Variants in GUCD1 observed in about 807,000 individuals in gnomAD.
GUCD1 encodes protein GUCD1.
A neutral mutation model predicts 28.3 loss-of-function variants in GUCD1; 17 were observed. The ratio of observed to expected loss-of-function variants is 0.60; its 90% CI spans 0.41 to 0.90. The LOEUF (loss-of-function observed/expected upper bound fraction) is 0.90, where lower values mean the gene tolerates loss of function less well. Among genes scored for constraint, GUCD1 ranks in the 40% least tolerant of loss-of-function variants. The pLI is 0.00. For missense variants in GUCD1, 279 were observed against 305.5 expected (o/e 0.91, Z 0.65); for synonymous variants, 129 against 123.3 (o/e 1.05, Z -0.30).
upstream of GUCD1, chr22:24,555,215 A>G (rs1398178073): frequency 1.0e-6 from 1 of 1,001,138 alleles, no homozygotes. Context: ...GCCCCGCCCC[A>G]AACTTTGATC....
chr22:24,553,297 T>G (rs1356828456), intron 1 of GUCD1, among the ~76,000 whole-genome samples: 1 of 152,206 alleles, frequency 6.6e-6, no homozygotes, highest in Non-Finnish European at 1.5e-5. Flanking sequence ...ACACTATCAC[T>G]AATGATAGCT....
chr22:24,552,162 AG>A (rs2044893433), intron 1 of GUCD1, among the ~76,000 whole-genome samples: 1 of 152,224 alleles, frequency 6.6e-6, no homozygotes, highest in Non-Finnish European at 1.5e-5. Context: ...CAGAGTCTCC[AG>A]AACTGTGAAG....
intron 1 of GUCD1, among the ~76,000 whole-genome samples, chr22:24,552,037 C>T (rs1426184407): frequency 1.3e-5 from 2 of 152,218 alleles, no homozygotes; most frequent in Non-Finnish European, 2.9e-5. Flanking sequence ...CATGTAAAAG[C>T]AGTGTTCATG....
intron 1 of GUCD1, among the ~76,000 whole-genome samples, chr22:24,554,523 C>T (rs568294219): frequency 6.6e-6 from 1 of 152,384 alleles, no homozygotes; most frequent in South Asian, 2.1e-4. Context: ...TCCGGGTCTC[C>T]GCCCCAAAGG....
Position 24,543,043 on chromosome 22 carries a change from G to A in GUCD1, c.683C>T (p.Thr228Ile). 6.2e-7 allele frequency: 1 copy of A among 1,613,972 alleles called. No homozygotes were observed. The highest frequency in any genetic ancestry group is 1.1e-5 in the South Asian group (1 of 91,078). ...GTAGACAAAGAGGATGTCCTCATCT[G>A]TGCCATAGCTGGTTCTGGCCTCCTC... Reference protein sequence around the residue: ...NFEEARTSYGTDEDILFVYLD... With the variant: ...NFEEARTSYGIDEDILFVYLD... The change falls in exon 6 of 6, where the codon ACA becomes ATA. Residue 228 changes from threonine (T) to isoleucine (I), a missense_variant. Physicochemically the swap from Thr to Ile is moderately conservative, Grantham distance 89. Transcript: ENST00000435822.
In GUCD1 at chr22:24,547,208, G is replaced by C; in HGVS notation, c.295-203C>G. On this transcript the variant is annotated intron_variant, in intron 3 of 5. Transcript: ENST00000435822. The stretch of plus-strand genomic sequence containing the variant: ...AGGAGCAGGGAAGCAGGACCACACA[G>C]AGGCATGAGGATGATGCTTGAGAGA... 3 of 559,014 alleles carry C rather than the reference G, an allele frequency of 5.4e-6. No individual in the cohort carries two copies. In the South Asian group the frequency reaches 5.9e-5, roughly 11 times the overall value. The allele number at this position is 559,014 out of a possible 1,614,324, so 34.6% of individuals were successfully genotyped here.
intron 1 of GUCD1, among the ~76,000 whole-genome samples, chr22:24,553,746 G>C (rs4820596): frequency 0.97 from 147,633 of 152,372 alleles, 71,639 homozygotes; most frequent in Non-Finnish European, 1. Flanking sequence ...ACTCAGCTGC[G>C]CCTCCTCCTC....
rs2044610896 is a variant in GUCD1 at position 24,542,220 on chromosome 22, C to CT, written c.*785dup. 1 of 152,338 alleles carries CT rather than the reference C, an allele frequency of 6.6e-6. No homozygotes were observed. Among genetic ancestry groups the CT allele is most frequent in the African/African-American group, 2.4e-5 (1 of 41,466 alleles). 9.4% of individuals were successfully genotyped at this position (152,338 alleles called of 1,614,324 possible). A position where few individuals can be genotyped will look rare whatever the true frequency, so the allele number is the denominator to read the frequency against. On this transcript the variant is annotated 3_prime_UTR_variant, in exon 6 of 6. Transcript: ENST00000435822. Reference sequence around the variant, plus strand: ...AGGATTTTGGCTGGTGTCAGGAGGCCTCCTGGGTGCAGGGATCCCTCTGGG... The same window carrying CT: ...AGGATTTTGGCTGGTGTCAGGAGGCCTTCCTGGGTGCAGGGATCCCTCTGGG...
chr22:24,553,386 C>G (rs940611644), intron 1 of GUCD1, among the ~76,000 whole-genome samples: 3 of 152,194 alleles, frequency 2.0e-5, no homozygotes. Flanking sequence ...AATATGGAGT[C>G]CTTAAAGAGG....
intron 4 of GUCD1, among the ~76,000 whole-genome samples, chr22:24,545,813 G>A (rs1015097824): frequency 1.3e-5 from 2 of 151,494 alleles, no homozygotes; most frequent in Non-Finnish European, 1.5e-5. Context: ...CCATGATCTC[G>A]ATCTCCTAAC....
In GUCD1 at chr22:24,542,667, G is replaced by A. The variant is rs972915405; in HGVS notation, c.*339C>T. ...CTTCTCTCTCCAGGCTCAGTCCTGC[G>A]GTCTGTGGGGAGACCATTGCCATGG... On this transcript the variant is annotated 3_prime_UTR_variant, in exon 6 of 6. Coordinates refer to ENST00000435822, the MANE Select transcript of GUCD1 (RefSeq NM_001284254.2). The A allele has an allele frequency of 3.2e-5, 10 of 311,948 alleles. No homozygotes were observed. Among genetic ancestry groups the A allele is most frequent in the Non-Finnish European group, 4.4e-5 (7 of 157,980 alleles). 19.3% of individuals were successfully genotyped at this position (311,948 alleles called of 1,614,324 possible). A position where few individuals can be genotyped will look rare whatever the true frequency, so the allele number is the denominator to read the frequency against.
rs766978694 is a variant in GUCD1 at position 24,543,937 on chromosome 22, C to T, written c.533G>A (p.Cys178Tyr). ...GTGGCCCTGGTAGTCAGGAGTGCGG[C>T]AGAAGCAGTGGTGGCCACTGGGGGT... The part of the protein sequence containing the change: ...CFTPSGHHCF[C>Y]RTPDYQGHFI... The change falls in exon 5 of 6, where the codon TGC becomes TAC. Residue 178 changes from cysteine to tyrosine, a missense_variant. Cys to Tyr is a radical substitution (Grantham distance 194). Transcript: ENST00000435822. 2 of 1,614,060 alleles carry T rather than the reference C, an allele frequency of 1.2e-6. No homozygotes were observed. The highest frequency in any genetic ancestry group is 1.1e-5 in the South Asian group (1 of 91,078).
upstream of GUCD1, chr22:24,555,298 T>G: frequency 7.2e-7 from 1 of 1,380,280 alleles, no homozygotes; most frequent in Non-Finnish European, 9.3e-7. Flanking sequence ...GGCCCCACCC[T>G]CTCGCCCAAT....
At chr22:24,544,498 G>A (rs2044676844) in intron 4 of GUCD1, among the ~76,000 whole-genome samples, 1 of 152,206 alleles carries the variant, frequency 6.6e-6, no homozygotes, top group Non-Finnish European at 1.5e-5. Context: ...TGCCAGCCAA[G>A]CATGGCTCAG....
At chr22:24,547,080 A>G (rs2044746995) in intron 3 of GUCD1, 75 bp from the exon 4 acceptor site, 4 of 1,162,472 alleles carry the variant, frequency 3.4e-6, no homozygotes, top group Non-Finnish European at 3.9e-6. Flanking sequence ...GGAAATAAAG[A>G]GCGTGTTACA....
At chr22:24,555,424 C>A, upstream of GUCD1, 4 of 1,183,892 alleles carry the variant, frequency 3.4e-6, no homozygotes, top group Non-Finnish European at 4.6e-6. Context: ...CTTCGGCAAG[C>A]CCCGCCTCTG....
At chr22:24,555,255 C>G (rs926765333), upstream of GUCD1, 6 of 1,339,842 alleles carry the variant, frequency 4.5e-6, no homozygotes, top group African/African-American at 3.0e-5. Flanking sequence ...TGATTTAAGT[C>G]TGCTCCGGCC....
At chr22:24,544,301 A>G (rs1157395820) in intron 4 of GUCD1, among the ~76,000 whole-genome samples, 1 of 151,964 alleles carries the variant, frequency 6.6e-6, no homozygotes, top group East Asian at 1.9e-4. Flanking sequence ...GAATGTGCAC[A>G]AAGATGAGCT....
chr22:24,542,233 G>C lies in GUCD1; in HGVS notation c.*773C>G, dbSNP rs775769637. The C allele has an allele frequency of 6.6e-6, 1 of 152,304 alleles. No individual in the cohort carries two copies. The highest frequency in any genetic ancestry group is 1.5e-5 in the Non-Finnish European group (1 of 68,110). The allele number at this position is 152,304 out of a possible 1,614,324, so 9.4% of individuals were successfully genotyped here. A position where few individuals can be genotyped will look rare whatever the true frequency, so the allele number is the denominator to read the frequency against. On this transcript the variant is annotated 3_prime_UTR_variant, in exon 6 of 6. Transcript: ENST00000435822. The stretch of plus-strand genomic sequence containing the variant: ...GTGTCAGGAGGCCTCCTGGGTGCAG[G>C]GATCCCTCTGGGGCTAGGGCAGCTG...
Sources: allele counts gnomAD v4.1 joint callset (sites outside exome capture counted in the v4.1 genomes callset), GRCh38; gene constraint gnomAD v4.1.1; transcripts MANE v1.5; gene names NCBI Gene and HGNC (gene_info 2026-07-23, HGNC 2026-07-21).